Variants in GATD1 observed in about 807,000 individuals in gnomAD.
GATD1 encodes glutamine amidotransferase class 1 domain containing 1.
Under a neutral mutation model 25.9 loss-of-function variants are expected in GATD1, and 23 were observed. That is an observed-to-expected ratio of 0.89 (90% CI 0.64 to 1.26). GATD1 has a LOEUF of 1.26. Among genes scored for constraint, GATD1 ranks in the 50% most tolerant of loss-of-function variants. The pLI, the probability that GATD1 is intolerant of heterozygous loss-of-function variation, is 0.00. For missense variants in GATD1, 347 were observed against 312.5 expected, an observed-to-expected ratio of 1.11 and a Z score of -0.83; for synonymous variants, 177 against 134.6, an observed-to-expected ratio of 1.31 and a Z score of -2.18.
chr11:771,204 T>C, intron 6 of GATD1, 100 bp from the exon 7 acceptor site: 1 of 1,545,006 alleles, frequency 6.5e-7, no homozygotes, highest in Non-Finnish European at 8.7e-7. Context: ...TAGGTCAGCC[T>C]GTCTGGGTCT....
chr11:770,968 A>T, intron 7 of GATD1, 25 bp downstream of exon 7: 1 of 1,613,260 alleles, frequency 6.2e-7, no homozygotes. Flanking sequence ...ATGTGGCAGG[A>T]ATGTGCCCAC....
Position 770,511 on chromosome 11 carries a change from A to T in GATD1, c.*386T>A. On this transcript the variant is annotated 3_prime_UTR_variant, in exon 8 of 8. Transcript: ENST00000319863. The stretch of plus-strand genomic sequence containing the variant: ...AGAGGTGGTGGGTGGCAGACAGGCC[A>T]CAGCAGGGCAAACCCACACAGAGGA... The T allele has an allele frequency of 7.0e-7, 1 of 1,430,208 alleles. No homozygotes were observed. The highest frequency in any genetic ancestry group is 9.1e-7 in the Non-Finnish European group (1 of 1,094,022). 88.6% of individuals were successfully genotyped at this position (1,430,208 alleles called of 1,614,324 possible).
rs4963162 is a variant in GATD1 at position 769,015 on chromosome 11, C to T, written c.*1882G>A. ...ACTCCGGAGGCTGAGGCAGGAGAATCGCTTGAACCCGGGAGACAGAGGTTG... is the reference window on the plus strand; with the variant it reads ...ACTCCGGAGGCTGAGGCAGGAGAATTGCTTGAACCCGGGAGACAGAGGTTG... On this transcript the variant is annotated 3_prime_UTR_variant, in exon 8 of 8. Transcript: ENST00000319863. 0.013 allele frequency: 6,127 copies of T among 459,060 alleles called. 67 individuals carry two copies. Among genetic ancestry groups the T allele is most frequent in the Non-Finnish European group, 0.013 (4,637 of 349,088 alleles). 28.4% of individuals were successfully genotyped at this position (459,060 alleles called of 1,614,324 possible).
chr11:772,594 G>T, intron 4 of GATD1, 73 bp from the exon 5 acceptor site: 2 of 1,397,768 alleles, frequency 1.4e-6, no homozygotes, highest in Non-Finnish European at 2.0e-6. Flanking sequence ...AGATGCCCCT[G>T]CTTGTGGCTC....
chr11:770,761 C>T lies in GATD1; in HGVS notation c.*136G>A. On this transcript the variant is annotated 3_prime_UTR_variant, in exon 8 of 8. Transcript: ENST00000319863. ...AGAGCTGATTCCAGGAGGCCTCCAACAATCCCATCAGGGCCAGACCAGGCT... is the reference window on the plus strand; with the variant it reads ...AGAGCTGATTCCAGGAGGCCTCCAATAATCCCATCAGGGCCAGACCAGGCT... 2.0e-6 allele frequency: 3 copies of T among 1,508,656 alleles called. No individual in the cohort carries two copies. Among genetic ancestry groups the T allele is most frequent in the Non-Finnish European group, 2.6e-6 (3 of 1,133,350 alleles). 93.5% of individuals were successfully genotyped at this position (1,508,656 alleles called of 1,614,324 possible). A position where few individuals can be genotyped will look rare whatever the true frequency, so the allele number is the denominator to read the frequency against.
Position 775,154 on chromosome 11 carries a change from C to A in GATD1, c.65-12G>T, listed in dbSNP as rs372493343. On this transcript the variant is annotated splice_polypyrimidine_tract_variant and intron_variant, in intron 1 of 7. Transcript: ENST00000319863. The stretch of plus-strand genomic sequence containing the variant: ...CTGGGCCGACACACCTGCAGAAGGT[C>A]CCAGTGAGTGTGGGCTCGACAGGAC... 4.2e-5 allele frequency: 67 copies of A among 1,593,966 alleles called. No individual in the cohort carries two copies. Among genetic ancestry groups the A allele is most frequent in the Non-Finnish European group, 5.5e-5 (64 of 1,171,616 alleles).
At chr11:777,118 G>A (rs1864069195) in intron 1 of GATD1, 1 of 269,022 alleles carries the variant, frequency 3.7e-6, no homozygotes, top group African/African-American at 2.3e-5. Context: ...GGGCAGACGA[G>A]ACTCGGAGGA....
rs1481789202 is a variant in GATD1, at chr11:770,877, G to C, written c.*20C>G. 4.4e-6 allele frequency: 7 copies of C among 1,598,450 alleles called. No individual in the cohort carries two copies. The South Asian group carries it at 7.9e-5, about 18-fold the overall frequency. ...TGGAGACACCTGGGCTGTCTCAGGG[G>C]GTGCATCTACCCAGCAGGTTCATTT... On this transcript the variant is annotated 3_prime_UTR_variant, in exon 8 of 8. Transcript: ENST00000319863.
Position 777,459 on chromosome 11 carries a change from C to A in GATD1, c.4G>T (p.Ala2Ser). 2.4e-6 allele frequency: 3 copies of A among 1,240,654 alleles called. No homozygotes were observed. Among genetic ancestry groups the A allele is most frequent in the Non-Finnish European group, 3.0e-6 (3 of 990,298 alleles). The allele number at this position is 1,240,654 out of a possible 1,614,324, so 76.9% of individuals were successfully genotyped here. A position where few individuals can be genotyped will look rare whatever the true frequency, so the allele number is the denominator to read the frequency against. The part of the protein sequence containing the change: M[A>S]SERLPNRPAC... ...GGCCTGTTAGGGAGCCGCTCGGACGCCATGGCTCGGGCTCGGCGCTGGGTC... is the reference window on the plus strand; with the variant it reads ...GGCCTGTTAGGGAGCCGCTCGGACGACATGGCTCGGGCTCGGCGCTGGGTC... Residue 2 changes from alanine to serine, a missense_variant, in exon 1 of 8, where the codon GCG becomes TCG. Physicochemically the swap from Ala to Ser is moderately conservative, Grantham distance 99. Coordinates refer to ENST00000319863, the MANE Select transcript of GATD1 (RefSeq NM_182612.4).
chr11:768,474 A>G lies in GATD1; in HGVS notation c.*2423T>C, dbSNP rs1210159124. 4.0e-5 allele frequency: 2 copies of G among 50,338 alleles called. No homozygotes were observed. The highest frequency in any genetic ancestry group is 9.0e-5 in the African/African-American group (2 of 22,190). The allele number at this position is 50,338 out of a possible 1,614,324, so 3.1% of individuals were successfully genotyped here. ...TGCCAACAGAGCAAGACTCCATCTC[A>G]AAAAAAAAAAAAAAGGAAAAATACA... On this transcript the variant is annotated 3_prime_UTR_variant, in exon 8 of 8. Transcript: ENST00000319863.
rs371617467 is a variant in GATD1, at chr11:775,096, G to A, written c.111C>T (p.Thr37=). Residue 37 remains threonine (T), a synonymous_variant, in exon 2 of 8, where the codon ACC becomes ACT. Coordinates refer to ENST00000319863, the MANE Select transcript of GATD1 (RefSeq NM_182612.4). ...GGGTGGCCACCTGCAGGTTGAAGGC[G>A]GTGCTGGCCATCGTGAAACAGTGGA... ...SFLHCFTMAS[T]AFNLQVATPG... is the part of the protein sequence containing the mutation. 38 of 1,605,684 alleles carry A rather than the reference G, an allele frequency of 2.4e-5. No individual in the cohort carries two copies. Among genetic ancestry groups the A allele is most frequent in the Admixed American group, 1.0e-4 (6 of 58,562 alleles).
In GATD1 at chr11:770,689, G is replaced by C; in HGVS notation, c.*208C>G. 1 of 1,428,792 alleles carries C rather than the reference G, an allele frequency of 7.0e-7. No individual in the cohort carries two copies. Among genetic ancestry groups the C allele is most frequent in the Non-Finnish European group, 9.1e-7 (1 of 1,095,384 alleles). 88.5% of individuals were successfully genotyped at this position (1,428,792 alleles called of 1,614,324 possible). ...TTCTCTGCCTCCTACCAGAGAACAT[G>C]CAGGAGGATGGGGGTTTGGACCCTC... On this transcript the variant is annotated 3_prime_UTR_variant, in exon 8 of 8. Transcript: ENST00000319863.
rs1279590934 is a variant in GATD1, at chr11:770,679, C to G, written c.*218G>C. The G allele has an allele frequency of 7.0e-7, 1 of 1,423,596 alleles. No individual in the cohort carries two copies. Among genetic ancestry groups the G allele is most frequent in the African/African-American group, 1.4e-5 (1 of 69,654 alleles). The allele number at this position is 1,423,596 out of a possible 1,614,324, so 88.2% of individuals were successfully genotyped here. The stretch of plus-strand genomic sequence containing the variant: ...GTGGGGTCTTTTCTCTGCCTCCTAC[C>G]AGAGAACATGCAGGAGGATGGGGGT... On this transcript the variant is annotated 3_prime_UTR_variant, in exon 8 of 8. Coordinates refer to ENST00000319863, the MANE Select transcript of GATD1 (RefSeq NM_182612.4).
Position 773,617 on chromosome 11 carries a change from T to C in GATD1, c.260A>G (p.His87Arg), listed in dbSNP as rs373750262. The stretch of plus-strand genomic sequence containing the variant: ...AGGACAGCTGGGGATCAGGAGGGCA[T>C]GGTACCGGGCACCTGGGGGGAGACC... ...KLESIDGARY[H>R]ALLIPSCPGA... The change falls in exon 4 of 8, where the codon CAT (histidine) becomes CGT (arginine). Residue 87 changes from histidine to arginine, a missense_variant. Transcript: ENST00000319863. The C allele has an allele frequency of 7.5e-6, 12 of 1,607,974 alleles. No individual in the cohort carries two copies. The highest frequency in any genetic ancestry group is 1.1e-5 in the South Asian group (1 of 90,410).
intron 1 of GATD1, 179 bp downstream of exon 1, chr11:777,220 C>G (rs1253142177): frequency 7.5e-6 from 2 of 266,922 alleles, no homozygotes; most frequent in African/African-American, 2.3e-5. Flanking sequence ...CCCGTCCCCG[C>G]CCCGAGCTCC....
chr11:771,323 C>T lies in GATD1; in HGVS notation c.544+10G>A, dbSNP rs746226537. On this transcript the variant is annotated intron_variant, in intron 6 of 7. Coordinates refer to ENST00000319863, the MANE Select transcript of GATD1 (RefSeq NM_182612.4). ...CTTCTGTAAGTGCAGGGGGCACCCT[C>T]GAGGCTCACCACTGAAGCAGGCGCC... The T allele has an allele frequency of 8.1e-6, 13 of 1,603,460 alleles. No individual in the cohort carries two copies. The highest frequency in any genetic ancestry group is 6.8e-5 in the Admixed American group (4 of 58,480).
chr11:767,505 C>G lies in GATD1; in HGVS notation c.*3392G>C, dbSNP rs1266578095. The G allele has an allele frequency of 4.9e-6, 7 of 1,428,656 alleles. No individual in the cohort carries two copies. The highest frequency in any genetic ancestry group is 3.0e-5 in the Admixed American group (1 of 33,118). 88.5% of individuals were successfully genotyped at this position (1,428,656 alleles called of 1,614,324 possible). On this transcript the variant is annotated 3_prime_UTR_variant, in exon 8 of 8. Coordinates refer to ENST00000319863, the MANE Select transcript of GATD1 (RefSeq NM_182612.4). ...GTCTGTGGGGCCCCGCGTCAGAACC[C>G]ACTTCACATCCCAAAGCCCCACCTG...
At chr11:774,977 C>A in intron 2 of GATD1, 89 bp downstream of exon 2, 1 of 1,249,694 alleles carries the variant, frequency 8.0e-7, no homozygotes, top group East Asian at 2.6e-5. Context: ...CCACTCCTCC[C>A]AGGCCGCGGC....
intron 1 of GATD1, chr11:777,121 T>A (rs1179911224): frequency 1.5e-5 from 4 of 269,022 alleles, no homozygotes; most frequent in African/African-American, 2.3e-5. Flanking sequence ...CAGACGAGAC[T>A]CGGAGGAGCG....
Sources: allele counts gnomAD v4.1 joint callset, GRCh38; gene constraint gnomAD v4.1.1; transcripts MANE v1.5; gene names NCBI Gene and HGNC (gene_info 2026-07-23, HGNC 2026-07-21).